Variants in PRKCQ observed in about 807,000 individuals in gnomAD.
PRKCQ encodes the protein protein kinase C theta, also known as protein kinase C theta type.
PRKCQ carries 41 observed loss-of-function variants against 91.2 expected under a neutral mutation model. That is an observed-to-expected ratio of 0.45 (90% CI 0.35 to 0.58). The LOEUF is 0.58. PRKCQ is among the 20% of genes least tolerant of loss of function. PRKCQ has a pLI of 0.00. For missense variants in PRKCQ, 673 were observed against 896.5 expected (o/e 0.75, Z 3.18); for synonymous variants, 307 against 316.9 (o/e 0.97, Z 0.33).
chr10:6,521,916 TGTTATG>T (rs535684402), intron 1 of PRKCQ, among the ~76,000 whole-genome samples: 43,594 of 128,636 alleles, frequency 0.34, 8,279 homozygotes, highest in Admixed American at 0.49. Flanking sequence ...TGTTATGTTA[TGTTATG>T]TTATTTATTT....
intron 7 of PRKCQ, among the ~76,000 whole-genome samples, chr10:6,494,643 G>A (rs996341925): frequency 2.6e-5 from 4 of 152,130 alleles, no homozygotes; most frequent in African/African-American, 7.2e-5. Context: ...GGTGTAGGAG[G>A]AGCGGTCTCT....
chr10:6,440,341 G>A (rs557022634), intron 16 of PRKCQ, among the ~76,000 whole-genome samples: 2 of 152,250 alleles, frequency 1.3e-5, no homozygotes, highest in East Asian at 1.9e-4. Flanking sequence ...TATAGGCCAG[G>A]GACTGGACTG....
intron 12 of PRKCQ, among the ~76,000 whole-genome samples, chr10:6,467,389 CAGAGAG>C (rs1160599680): frequency 0.089 from 2,465 of 27,562 alleles, 178 homozygotes; most frequent in East Asian, 0.18. Flanking sequence ...GAGAGACAGA[CAGAGAG>C]AGAGAGAGAG....
chr10:6,460,492 T>A (rs1192234451), intron 14 of PRKCQ, among the ~76,000 whole-genome samples: 2 of 150,416 alleles, frequency 1.3e-5, no homozygotes, highest in Admixed American at 6.6e-5. Context: ...TTTTTTTTTT[T>A]AACTTTTTAA....
chr10:6,445,603 G>A (rs1219814398), intron 15 of PRKCQ, among the ~76,000 whole-genome samples: 1 of 152,182 alleles, frequency 6.6e-6, no homozygotes, highest in Non-Finnish European at 1.5e-5. Flanking sequence ...CTTTGATGAT[G>A]CACTTGTCCC....
chr10:6,474,450 T>C (rs1488175332), intron 12 of PRKCQ, among the ~76,000 whole-genome samples: 1 of 152,238 alleles, frequency 6.6e-6, no homozygotes, highest in Admixed American at 6.5e-5. Context: ...TAGACTTTAG[T>C]TCACTTTTAA....
In PRKCQ at chr10:6,465,963, C is replaced by CA. The variant is rs749745231; in HGVS notation, c.1354-1560dup. Among the ~76,000 whole-genome samples, 3 of 152,214 alleles carry CA rather than the reference C, an allele frequency of 2.0e-5. No homozygotes were observed. Among genetic ancestry groups the CA allele is most frequent in the Non-Finnish European group, 4.4e-5 (3 of 68,040 alleles). ...TGAGAGTCGTCATTGGCTTTGCCTGCACACACCTGCTTTCTCATGCTACCT... is the reference window on the plus strand; with the variant it reads ...TGAGAGTCGTCATTGGCTTTGCCTGCAACACACCTGCTTTCTCATGCTACCT... On this transcript the variant is annotated intron_variant, in intron 12 of 17. Coordinates refer to ENST00000263125, the MANE Select transcript of PRKCQ (RefSeq NM_006257.5). The surrounding 1 kb of genome is among the most constrained non-coding windows in gnomAD (Gnocchi z 4.4).
intron 12 of PRKCQ, among the ~76,000 whole-genome samples, chr10:6,467,437 G>GAGAGACAGACAGAGA (rs1835749802): frequency 7.4e-6 from 1 of 134,494 alleles, no homozygotes; most frequent in Non-Finnish European, 1.6e-5. Context: ...GAGAGATGGT[G>GAGAGACAGACAGAGA]GGGAGGGAGG....
chr10:6,534,798 A>C (rs1025431358), intron 1 of PRKCQ, among the ~76,000 whole-genome samples: 8 of 147,726 alleles, frequency 5.4e-5, no homozygotes, highest in East Asian at 1.9e-4. Flanking sequence ...ATATAGATAT[A>C]TATATATATA....
At chr10:6,509,142 T>C (rs373189567) in intron 3 of PRKCQ, among the ~76,000 whole-genome samples, 2 of 152,182 alleles carry the variant, frequency 1.3e-5, no homozygotes, top group East Asian at 3.8e-4. Context: ...GTTGGTTAAA[T>C]GAGCATCTGA....
intron 4 of PRKCQ, among the ~76,000 whole-genome samples, chr10:6,499,749 C>T (rs1837802239): frequency 6.6e-6 from 1 of 152,226 alleles, no homozygotes; most frequent in African/African-American, 2.4e-5. Context: ...TAAATTTCTT[C>T]TATTGTGGCT....
chr10:6,479,982 A>G (rs1836507216), intron 11 of PRKCQ, among the ~76,000 whole-genome samples: 1 of 151,834 alleles, frequency 6.6e-6, no homozygotes, highest in South Asian at 2.1e-4. Flanking sequence ...AGTAAACACC[A>G]TTTTCTCTGA....
chr10:6,431,369 T>G (rs1306198881), intron 16 of PRKCQ, among the ~76,000 whole-genome samples: 1 of 151,856 alleles, frequency 6.6e-6, no homozygotes, highest in African/African-American at 2.4e-5. Context: ...CATACACACA[T>G]GGACATAAAC....
rs1205688346 is a variant in PRKCQ, at chr10:6,462,353, A to G, written c.1458T>C (p.Ala486=). 8.1e-5 allele frequency: 130 copies of G among 1,613,936 alleles called. No homozygotes were observed. The highest frequency in any genetic ancestry group is 1.1e-4 in the Non-Finnish European group (128 of 1,179,956). ...GGAACTGCAGACCAAGAATGATTTCAGCAGCATAAAACCTGGGGGAAGGAG... is the reference window on the plus strand; with the variant it reads ...GGAACTGCAGACCAAGAATGATTTCGGCAGCATAAAACCTGGGGGAAGGAG... ...FDLSRATFYA[A]EIILGLQFLH... The change falls in exon 14 of 18, where the codon GCT becomes GCC. Residue 486 remains alanine, a synonymous_variant. Transcript: ENST00000263125.
At chr10:6,578,196 G>A (rs909811199) in intron 1 of PRKCQ, among the ~76,000 whole-genome samples, 24 of 152,222 alleles carry the variant, frequency 1.6e-4, no homozygotes, top group Admixed American at 1.4e-3. Context: ...TTGCCTGAAG[G>A]AGAAGTGAGA....
intron 1 of PRKCQ, among the ~76,000 whole-genome samples, chr10:6,560,392 T>C (rs1840583414): frequency 6.6e-6 from 1 of 152,174 alleles, no homozygotes; most frequent in South Asian, 2.1e-4. Context: ...AAGAAACCCC[T>C]CTGTGCTGTT....
At chr10:6,532,703 C>T (rs761746255) in intron 1 of PRKCQ, among the ~76,000 whole-genome samples, 2 of 152,160 alleles carry the variant, frequency 1.3e-5, no homozygotes, top group Non-Finnish European at 1.5e-5. Flanking sequence ...GAGTGAATAC[C>T]TTCATTTTTA....
Position 6,466,391 on chromosome 10 carries a change from A to T in PRKCQ, c.1354-1987T>A, listed in dbSNP as rs184415728. Among the ~76,000 whole-genome samples, 11 of 152,360 alleles carry T rather than the reference A, an allele frequency of 7.2e-5. No individual in the cohort carries two copies. The East Asian group carries it at 1.2e-3, about 16-fold the overall frequency. On this transcript the variant is annotated intron_variant, in intron 12 of 17. Coordinates refer to ENST00000263125, the MANE Select transcript of PRKCQ (RefSeq NM_006257.5). ...ATTGGCCATTAAAGTCTAAGAGATC[A>T]CAGGGCACAGTCAGTGTTTACTAAC...
chr10:6,573,304 C>A (rs1256745646), intron 1 of PRKCQ, among the ~76,000 whole-genome samples: 1 of 152,176 alleles, frequency 6.6e-6, no homozygotes, highest in Non-Finnish European at 1.5e-5. Flanking sequence ...AAATGCTGAA[C>A]ACAGCTGAGA....
Sources: allele counts gnomAD v4.1 joint callset (sites outside exome capture counted in the v4.1 genomes callset), GRCh38; gene constraint gnomAD v4.1.1; non-coding constraint Gnocchi (gnomAD v3.1); transcripts MANE v1.5; gene names NCBI Gene and HGNC (gene_info 2026-07-23, HGNC 2026-07-21).